NCAPD2: variants seen among roughly 807,000 people sequenced by gnomAD.
NCAPD2 encodes non-SMC condensin I complex subunit D2.
Under a neutral mutation model 164.5 loss-of-function variants are expected in NCAPD2, and 100 were observed. The ratio of observed to expected loss-of-function variants is 0.61; its 90% CI spans 0.52 to 0.72. NCAPD2 has a LOEUF of 0.72. Ranked by LOEUF, NCAPD2 falls within the 30% of genes least tolerant of loss-of-function variation. The pLI, the probability that NCAPD2 is intolerant of heterozygous loss-of-function variation, is 0.00. For missense variants in NCAPD2, 1,560 were observed against 1,749.2 expected (o/e 0.89, Z 1.93); for synonymous variants, 585 against 642.6 (o/e 0.91, Z 1.36).
chr12:6,514,920 A>G lies in NCAPD2; in HGVS notation c.987A>G (p.Glu329=), dbSNP rs1204461572. 5 of 1,614,204 alleles carry G rather than the reference A, an allele frequency of 3.1e-6. No homozygotes were observed. The South Asian group carries it at 3.3e-5, about 11-fold the overall frequency. The stretch of plus-strand genomic sequence containing the variant: ...TTTTGCTAGATCACCTGGATGGAGA[A>G]GTAGGTGGTCCACTAGGGGTCACTG... ...MCILLDHLDG[E]NYMMRNAVLA... The change falls in exon 9 of 32, where the codon GAA becomes GAG. Residue 329 remains glutamate, a splice_region_variant and synonymous_variant. Transcript: ENST00000315579.
chr12:6,526,688 C>T, intron 21 of NCAPD2, 73 bp downstream of exon 21: 3 of 1,547,192 alleles, frequency 1.9e-6, no homozygotes, highest in Non-Finnish European at 2.6e-6. Flanking sequence ...GCCACTGCCA[C>T]CACCACTATC....
chr12:6,519,729 G>A (rs1415126410), intron 13 of NCAPD2, among the ~76,000 whole-genome samples: 1 of 152,068 alleles, frequency 6.6e-6, no homozygotes, highest in Non-Finnish European at 1.5e-5. Context: ...ATGGCTGGGT[G>A]CAATGGCTCA....
At chr12:6,503,823 A>AC (rs1946063036) in intron 2 of NCAPD2, among the ~76,000 whole-genome samples, 1 of 149,210 alleles carries the variant, frequency 6.7e-6, no homozygotes. Context: ...ACTAAAAAAT[A>AC]GAAAAATTAG....
chr12:6,517,404 G>C lies in NCAPD2; in HGVS notation c.1225G>C (p.Ala409Pro). The change falls in exon 11 of 32, where the codon GCT (alanine) becomes CCT (proline). Residue 409 changes from alanine (A) to proline (P), a missense_variant. Ala to Pro is a conservative substitution (Grantham distance 27). Coordinates refer to ENST00000315579, the MANE Select transcript of NCAPD2 (RefSeq NM_014865.4). ...ACGTTTCCAGGCAGTGGTGGCTTTA[G>C]CTGTGGGACGTCTGGCAGACAAGTC... ...LTRFQAVVAL[A>P]VGRLADKSVL... 6.2e-7 allele frequency: 1 copy of C among 1,614,220 alleles called. No individual in the cohort carries two copies.
chr12:6,522,794 A>G (rs200844687), intron 15 of NCAPD2, 34 bp from the exon 16 acceptor site: 1 of 1,604,122 alleles, frequency 6.2e-7, no homozygotes, highest in Non-Finnish European at 8.5e-7. Flanking sequence ...AGTTTTGTGA[A>G]GTAGATAGGT....
At chr12:6,514,072 A>G (rs1311162028) in intron 6 of NCAPD2, among the ~76,000 whole-genome samples, 193 bp from the exon 7 acceptor site, 1 of 152,178 alleles carries the variant, frequency 6.6e-6, no homozygotes, top group Non-Finnish European at 1.5e-5. Flanking sequence ...CAACTGGTTG[A>G]AAGTTGGTAA....
chr12:6,527,089 C>G (rs1359177602), intron 22 of NCAPD2, 26 bp downstream of exon 22: 1 of 1,581,900 alleles, frequency 6.3e-7, no homozygotes, highest in Non-Finnish European at 8.6e-7. Flanking sequence ...CAGCACTTCC[C>G]AGATTTATTT....
intron 13 of NCAPD2, among the ~76,000 whole-genome samples, chr12:6,518,504 GTTTTTTTTTTTTTTT>G (rs56183938): frequency 6.7e-5 from 3 of 44,774 alleles, no homozygotes; most frequent in African/African-American, 2.0e-4. Flanking sequence ...CCGTCAACAA[GTTTTTTTTTTTTTTT>G]TTTTTTTTTT....
Position 6,514,404 on chromosome 12 carries a change from G to A in NCAPD2, c.715+12G>A. On this transcript the variant is annotated intron_variant, in intron 7 of 31. Transcript: ENST00000315579. Reference sequence around the variant, plus strand: ...TAACCATATGCTCAGTAAGTTACCAGTCGCTTTGCCCCGCCTTTTTTGTAT... The same window carrying A: ...TAACCATATGCTCAGTAAGTTACCAATCGCTTTGCCCCGCCTTTTTTGTAT... 1.9e-6 allele frequency: 3 copies of A among 1,614,186 alleles called. No individual in the cohort carries two copies. The highest frequency in any genetic ancestry group is 2.5e-6 in the Non-Finnish European group (3 of 1,180,040).
intron 2 of NCAPD2, among the ~76,000 whole-genome samples, chr12:6,508,093 G>A (rs909301890): frequency 1.3e-5 from 2 of 152,204 alleles, no homozygotes. Flanking sequence ...AACTTTGGGA[G>A]GCCGAGGCAG....
intron 2 of NCAPD2, among the ~76,000 whole-genome samples, chr12:6,509,156 G>C (rs1439802528): frequency 1.3e-5 from 2 of 152,012 alleles, no homozygotes; most frequent in African/African-American, 2.4e-5. Flanking sequence ...ACTACTCTAA[G>C]GTGTAAAGTA....
At chr12:6,512,312 C>T (rs866952849) in intron 6 of NCAPD2, among the ~76,000 whole-genome samples, 55 of 144,766 alleles carry the variant, frequency 3.8e-4, no homozygotes, top group African/African-American at 1.4e-3. Context: ...GATAGATAGA[C>T]AGACAGACAA....
At chr12:6,527,589 C>T (rs550731396) in intron 22 of NCAPD2, among the ~76,000 whole-genome samples, 188 bp from the exon 23 acceptor site, 3 of 152,236 alleles carry the variant, frequency 2.0e-5, no homozygotes, top group African/African-American at 7.2e-5. Flanking sequence ...CAACTTAAAA[C>T]AAATGGGGAC....
At chr12:6,529,104 T>C in intron 27 of NCAPD2, 65 bp downstream of exon 27, 1 of 1,408,486 alleles carries the variant, frequency 7.1e-7, no homozygotes, top group Non-Finnish European at 1.0e-6. Flanking sequence ...CAGACACACC[T>C]GTATTTGAAT....
Position 6,521,900 on chromosome 12 carries a change from A to C in NCAPD2, c.1817A>C (p.Glu606Ala). Reference sequence around the variant, plus strand: ...AATAAACCCAATATGTCGGATCCTGAGGAATCCAGGGGAAATGATGAACTA... The same window carrying C: ...AATAAACCCAATATGTCGGATCCTGCGGAATCCAGGGGAAATGATGAACTA... ...CKNKPNMSDP[E>A]ESRGNDELVK... Residue 606 changes from glutamate (E) to alanine (A), a missense_variant, in exon 15 of 32, where the codon GAG (glutamate) becomes GCG (alanine). By Grantham distance (107) the Glu-to-Ala change is moderately radical. Transcript: ENST00000315579. 6.2e-7 allele frequency: 1 copy of C among 1,614,162 alleles called. No individual in the cohort carries two copies. The highest frequency in any genetic ancestry group is 8.5e-7 in the Non-Finnish European group (1 of 1,180,028).
At position 6,514,447 on chromosome 12, in the gene NCAPD2, G is replaced by A; in HGVS notation, c.716-17G>A. On this transcript the variant is annotated splice_polypyrimidine_tract_variant and intron_variant, in intron 7 of 31. Transcript: ENST00000315579. ...TTTTGTATTGCCCATAATTTCTCAT[G>A]TTTAATGCTTCCACAGGTGCTACAG... is the stretch of plus-strand genomic sequence containing the variant. 2 of 1,614,148 alleles carry A rather than the reference G, an allele frequency of 1.2e-6. No individual in the cohort carries two copies. The highest frequency in any genetic ancestry group is 1.3e-5 in the African/African-American group (1 of 75,034).
At chr12:6,501,768 C>T (rs1278196159) in intron 2 of NCAPD2, among the ~76,000 whole-genome samples, 1 of 152,124 alleles carries the variant, frequency 6.6e-6, no homozygotes, top group African/African-American at 2.4e-5. Flanking sequence ...GAAGAAGAAC[C>T]AGTAGAAGAA....
At position 6,528,789 on chromosome 12, in the gene NCAPD2, T is replaced by A. The variant is rs1407161636; in HGVS notation, c.3410T>A (p.Leu1137Gln). Residue 1137 changes from leucine (L) to glutamine (Q), a missense_variant, in exon 26 of 32, where the codon CTG becomes CAG. Leu to Gln is a moderately radical substitution (Grantham distance 113). Transcript: ENST00000315579. This position sits in a 1 kb window ranked among gnomAD's most constrained non-coding sequence, Gnocchi z 5.1. ...GGGCAGGTCAGCGAGATGGCGGTGC[T>A]GCTCATCGACCCCGAGCCTCAGATT... is the stretch of plus-strand genomic sequence containing the variant. ...VKGQVSEMAV[L>Q]LIDPEPQIAA... 1 of 1,614,132 alleles carries A rather than the reference T, an allele frequency of 6.2e-7. No homozygotes were observed. Among genetic ancestry groups the A allele is most frequent in the East Asian group, 2.2e-5 (1 of 44,874 alleles).
chr12:6,523,287 A>AAT lies in NCAPD2; in HGVS notation c.2156_2157dup (p.Leu720IlefsTer6). ...AGCCAAGGCCCAGGCTTTGATTCAG[A>AAT]ATCTCTCTCTGCTGCTAGTGGATGC... On this transcript the variant is annotated frameshift_variant, in exon 17 of 32. Coordinates refer to ENST00000315579, the MANE Select transcript of NCAPD2 (RefSeq NM_014865.4). LOFTEE classifies it high-confidence loss of function. The AAT allele has an allele frequency of 6.2e-7, 1 of 1,614,122 alleles. No individual in the cohort carries two copies. The highest frequency in any genetic ancestry group is 8.5e-7 in the Non-Finnish European group (1 of 1,180,022).
Sources: gnomAD v4.1 joint callset for allele counts (sites outside exome capture counted in the v4.1 genomes callset) on GRCh38, gnomAD v4.1.1 for gene constraint, Gnocchi (gnomAD v3.1) non-coding constraint, MANE v1.5 for transcripts, NCBI Gene and HGNC (gene_info 2026-07-23, HGNC 2026-07-21) for gene names.